RFFL: variants seen among roughly 807,000 people sequenced by gnomAD.
The protein encoded by RFFL is ring finger and FYVE like domain containing E3 ubiquitin protein ligase.
RFFL carries 16 observed loss-of-function variants against 40.4 expected under a neutral mutation model. The observed-to-expected ratio is 0.40, with a 90% CI of 0.27 to 0.60. The LOEUF (loss-of-function observed/expected upper bound fraction) is 0.60. RFFL is among the 20% of genes least tolerant of loss of function. The pLI, the probability that RFFL is intolerant of heterozygous loss-of-function variation, is 0.47. For missense variants in RFFL, 367 were observed against 451.7 expected (o/e 0.81, Z 1.70); for synonymous variants, 154 against 167.9 (o/e 0.92, Z 0.64).
intron 6 of RFFL, among the ~76,000 whole-genome samples, chr17:35,013,076 C>G (rs759551338): frequency 1.5e-4 from 23 of 152,248 alleles, no homozygotes; most frequent in Non-Finnish European, 3.2e-4. Context: ...TGTGTTAACT[C>G]ACTGAAGCCT....
intron 3 of RFFL, 128 bp from the exon 4 acceptor site, chr17:35,017,734 C>A: frequency 1.5e-6 from 1 of 660,462 alleles, no homozygotes; most frequent in Non-Finnish European, 2.7e-6. Context: ...GAGCCTCTTA[C>A]AGCATCATTA....
intron 1 of RFFL, among the ~76,000 whole-genome samples, chr17:35,035,663 C>CTA (rs1479108919): frequency 4.0e-5 from 6 of 148,548 alleles, no homozygotes; most frequent in East Asian, 1.9e-4. Flanking sequence ...ATATTTATAT[C>CTA]TATATATATA....
chr17:35,065,691 A>G (rs909846422), upstream of RFFL, among the ~76,000 whole-genome samples: 15 of 152,162 alleles, frequency 9.9e-5, no homozygotes, highest in African/African-American at 3.6e-4. Context: ...AACACCATTG[A>G]GCAAGTGAAC....
chr17:35,076,714 A>ATAATAATAATAG (rs2091378807), intron 1 of RFFL: 1 of 145,700 alleles, frequency 6.9e-6, no homozygotes, highest in East Asian at 2.0e-4. Flanking sequence ...AATAATAATA[A>ATAATAATAATAG]TAATAATAGT....
intron 1 of RFFL, among the ~76,000 whole-genome samples, chr17:35,041,819 C>T (rs1320521619): frequency 6.6e-6 from 1 of 152,072 alleles, no homozygotes; most frequent in African/African-American, 2.4e-5. Context: ...GAGTTCAAGA[C>T]CAGCCTAGAC....
Position 35,013,596 on chromosome 17 carries a change from CT to C in RFFL, c.910+1143del, listed in dbSNP as rs151000062. 3.9e-3 allele frequency among the ~76,000 whole-genome samples: 588 copies of C among 152,096 alleles called. 3 individuals are homozygous for C. The highest frequency in any genetic ancestry group is 6.7e-3 in the Non-Finnish European group (453 of 67,882). ...TTAAAAAGTCAAGAAATACTTCCCC[CT>C]AGGAGGTAGGCTGGGTGTGAAAGGG... is the stretch of plus-strand genomic sequence containing the variant. On this transcript the variant is annotated intron_variant, in intron 6 of 6. Coordinates refer to ENST00000394597, the MANE Select transcript of RFFL (RefSeq NM_001017368.2).
chr17:35,056,056 G>A (rs1170784331), intron 1 of RFFL, among the ~76,000 whole-genome samples: 1 of 152,130 alleles, frequency 6.6e-6, no homozygotes, highest in Middle Eastern at 3.4e-3. Context: ...TCCTCAGGAG[G>A]ACGGATTTGC....
intron 1 of RFFL, among the ~76,000 whole-genome samples, chr17:35,062,505 C>T (rs563929592): frequency 5.3e-5 from 8 of 152,230 alleles, no homozygotes; most frequent in African/African-American, 1.9e-4. Context: ...TGCAACGTAC[C>T]ATGGATACAA....
chr17:35,050,440 C>T (rs970655048), intron 1 of RFFL, among the ~76,000 whole-genome samples: 1 of 151,998 alleles, frequency 6.6e-6, no homozygotes, highest in Admixed American at 6.5e-5. Flanking sequence ...TGGCTCATTG[C>T]TGCCTTGACC....
At chr17:35,031,469 A>G (rs1018120425) in intron 1 of RFFL, among the ~76,000 whole-genome samples, 3 of 152,054 alleles carry the variant, frequency 2.0e-5, no homozygotes, top group Non-Finnish European at 4.4e-5. Context: ...TACTGAAACC[A>G]GTGCCTTGCT....
At chr17:35,088,870 GCTTT>G (rs1212626757) in intron 1 of RFFL, 1 of 152,310 alleles carries the variant, frequency 6.6e-6, no homozygotes, top group East Asian at 1.9e-4. Flanking sequence ...CAGGTGAAAC[GCTTT>G]CTTTGAGGGG....
chr17:35,070,221 A>G (rs1229054669), intron 1 of RFFL, among the ~76,000 whole-genome samples: 1 of 152,128 alleles, frequency 6.6e-6, no homozygotes, highest in African/African-American at 2.4e-5. Flanking sequence ...CCGAGGCTGG[A>G]GTGCGGTGGT....
At chr17:35,018,284 A>G (rs888538892) in intron 3 of RFFL, among the ~76,000 whole-genome samples, 3 of 152,224 alleles carry the variant, frequency 2.0e-5, no homozygotes, top group Admixed American at 6.5e-5. Context: ...ATTTTAATGT[A>G]TCTAAGAATC....
intron 2 of RFFL, chr17:35,025,387 T>C (rs1259500375): frequency 1.3e-5 from 2 of 152,228 alleles, no homozygotes; most frequent in East Asian, 3.8e-4. Context: ...TCTCATGCTA[T>C]TTGTCAGGAA....
chr17:35,075,830 C>T (rs78638903), intron 1 of RFFL, among the ~76,000 whole-genome samples: 1 of 152,118 alleles, frequency 6.6e-6, no homozygotes, highest in East Asian at 1.9e-4. Context: ...AAATTGCACA[C>T]CCCTAAATTT....
chr17:35,032,108 A>G (rs978444153), intron 1 of RFFL, among the ~76,000 whole-genome samples: 31 of 151,846 alleles, frequency 2.0e-4, no homozygotes, highest in South Asian at 4.1e-4. Context: ...AAAAAAAAAA[A>G]AAAGAAAAAG....
intron 1 of RFFL, among the ~76,000 whole-genome samples, chr17:35,035,385 G>A (rs1010596953): frequency 1.5e-4 from 22 of 151,196 alleles, no homozygotes; most frequent in Non-Finnish European, 3.2e-4. Flanking sequence ...CTCCAGCCTG[G>A]GCAACAGAGC....
intron 5 of RFFL, among the ~76,000 whole-genome samples, chr17:35,015,434 C>T (rs962236600): frequency 2.0e-5 from 3 of 152,368 alleles, no homozygotes; most frequent in South Asian, 2.1e-4. Context: ...AAAGTTCCCA[C>T]GTGGAGTCAT....
intron 1 of RFFL, among the ~76,000 whole-genome samples, chr17:35,062,144 C>T (rs186106539): frequency 2.6e-5 from 4 of 152,024 alleles, no homozygotes; most frequent in East Asian, 3.9e-4. Flanking sequence ...GTGGCTCACA[C>T]CTGTAAACCC....
Sources: gnomAD v4.1 joint callset for allele counts (sites outside exome capture counted in the v4.1 genomes callset) on GRCh38, gnomAD v4.1.1 for gene constraint, MANE v1.5 for transcripts, NCBI Gene and HGNC (gene_info 2026-07-23, HGNC 2026-07-21) for gene names.